The following JAK2 variants were observed in gnomAD, a reference collection of about 807,000 sequenced individuals.
JAK2 encodes tyrosine-protein kinase JAK2.
In JAK2, 86 loss-of-function variants were observed where a neutral mutation model predicts 139.3. The observed-to-expected ratio is 0.62, with a 90% CI of 0.52 to 0.74. The LOEUF (loss-of-function observed/expected upper bound fraction) is 0.74, where lower values mean the gene tolerates loss of function less well. Among genes scored for constraint, JAK2 ranks in the 30% least tolerant of loss-of-function variants. The probability of loss-of-function intolerance (pLI) is 0.00; values close to 1 mark genes in which losing one functional copy is unlikely to be tolerated. For synonymous variants in JAK2, 490 were observed against 437.7 expected (o/e 1.12, Z -1.49); for missense variants, 1,421 against 1,360.3 (o/e 1.04, Z -0.70).
intron 22 of JAK2, chr9:5,091,538 T>C (rs1418250742): frequency 6.6e-6 from 1 of 151,930 alleles, no homozygotes; most frequent in Non-Finnish European, 1.5e-5. Context: ...TTATGGGTGT[T>C]GGTTGGTGGT....
At chr9:5,061,165 A>G (rs544130422) in intron 8 of JAK2, among the ~76,000 whole-genome samples, 1 of 152,358 alleles carries the variant, frequency 6.6e-6, no homozygotes, top group East Asian at 1.9e-4. Flanking sequence ...TAGACTTAGC[A>G]TAATTCGCAG....
intron 6 of JAK2, among the ~76,000 whole-genome samples, chr9:5,053,616 A>G (rs1817567794): frequency 6.6e-6 from 1 of 152,038 alleles, no homozygotes; most frequent in African/African-American, 2.4e-5. Flanking sequence ...GCCAAACTGG[A>G]ATGAGTTGAG....
intron 5 of JAK2, among the ~76,000 whole-genome samples, chr9:5,045,727 G>A (rs965097604): frequency 2.0e-5 from 3 of 152,124 alleles, no homozygotes; most frequent in African/African-American, 7.2e-5. Context: ...GTTCATCCAT[G>A]TTGTAGCATG....
At chr9:4,991,433 T>A (rs1820237540) in intron 2 of JAK2, among the ~76,000 whole-genome samples, 1 of 152,178 alleles carries the variant, frequency 6.6e-6, no homozygotes, top group Non-Finnish European at 1.5e-5. Flanking sequence ...GTAATATTTT[T>A]ATAATATAAA....
chr9:4,986,717 A>G (rs1429732369), intron 2 of JAK2, among the ~76,000 whole-genome samples: 1 of 152,048 alleles, frequency 6.6e-6, no homozygotes, highest in African/African-American at 2.4e-5. Context: ...ATGTTTGCAT[A>G]TACAAAATCA....
intron 14 of JAK2, among the ~76,000 whole-genome samples, chr9:5,074,983 A>G (rs1819213436): frequency 6.6e-6 from 1 of 152,208 alleles, no homozygotes; most frequent in Non-Finnish European, 1.5e-5. Flanking sequence ...AGAAAGTGAA[A>G]CAGTCTTATT....
In JAK2 at chr9:5,128,385, A is replaced by G. The variant is rs1379343593; in HGVS notation, c.*1594A>G. On this transcript the variant is annotated 3_prime_UTR_variant, in exon 25 of 25. Transcript: ENST00000381652. ...TAAAAAGATTTTAGATTTTTTTGAA[A>G]GTTTAATTTTTATTTGTAAAGACTC... Among the ~76,000 whole-genome samples the G allele has an allele frequency of 1.3e-5, 2 of 151,822 alleles. No homozygotes were observed. Among genetic ancestry groups the G allele is most frequent in the Admixed American group, 1.3e-4 (2 of 15,238 alleles).
intron 12 of JAK2, among the ~76,000 whole-genome samples, chr9:5,071,741 A>G (rs1266355045): frequency 1.3e-5 from 2 of 152,184 alleles, no homozygotes; most frequent in Non-Finnish European, 2.9e-5. Context: ...CCAGAATGGT[A>G]AAGACAAGCA....
chr9:5,010,612 G>A (rs908511985), intron 2 of JAK2, among the ~76,000 whole-genome samples: 8 of 152,156 alleles, frequency 5.3e-5, no homozygotes, highest in African/African-American at 9.7e-5. Flanking sequence ...GGGCCACCAC[G>A]CCTGGCTGTC....
intron 22 of JAK2, chr9:5,111,649 G>A (rs1012609480): frequency 5.1e-6 from 2 of 389,062 alleles, no homozygotes; most frequent in South Asian, 1.9e-5. Flanking sequence ...CATGCCCCTC[G>A]TCCCTCCCGC....
intron 2 of JAK2, among the ~76,000 whole-genome samples, chr9:5,008,470 AG>A (rs904420596): frequency 5.9e-5 from 9 of 152,216 alleles, no homozygotes; most frequent in African/African-American, 1.9e-4. Flanking sequence ...AGTATGAGAT[AG>A]TTGTCTTGGA....
rs923941004 is a variant in JAK2, at chr9:5,078,334, T to C, written c.2021T>C (p.Val674Ala). 1 of 1,612,634 alleles carries C rather than the reference T, an allele frequency of 6.2e-7. No homozygotes were observed. The highest frequency in any genetic ancestry group is 1.3e-5 in the African/African-American group (1 of 75,002). ...LEENTLIHGN[V>A]CAKNILLIRE... ...GAAAACACCCTTATTCATGGGAATG[T>C]ATGTGCCAAAAATATTCTGCTTATC... is the stretch of plus-strand genomic sequence containing the variant. Residue 674 changes from valine (V) to alanine (A), a missense_variant, in exon 16 of 25, where the codon GTA (valine) becomes GCA (alanine). Physicochemically the swap from Val to Ala is moderately conservative, Grantham distance 64. Coordinates refer to ENST00000381652, the MANE Select transcript of JAK2 (RefSeq NM_004972.4).
At chr9:5,041,276 A>G in intron 4 of JAK2, 1 of 1,155,244 alleles carries the variant, frequency 8.7e-7, no homozygotes, top group Non-Finnish European at 1.3e-6. Context: ...CGGGCTGGCC[A>G]AGGGGTACAC....
chr9:5,085,589 T>C (rs1820025263), intron 19 of JAK2: 1 of 696,672 alleles, frequency 1.4e-6, no homozygotes, highest in East Asian at 2.6e-5. Context: ...GCCCCACCTA[T>C]AGATACTACA....
At position 5,090,541 on chromosome 9, in the gene JAK2, C is replaced by A. The variant is rs768850629; in HGVS notation, c.2857C>A (p.Leu953Ile). ...TAAAGAACGGATAGATCACATAAAA[C>A]TTCTGCAGTACACATCTCAGATATG... ...KHKERIDHIK[L>I]LQYTSQICKG... The change falls in exon 21 of 25, where the codon CTT becomes ATT. Residue 953 changes from leucine (L) to isoleucine (I), a missense_variant. Physicochemically the swap from Leu to Ile is conservative, Grantham distance 5 (BLOSUM62 2). Transcript: ENST00000381652. 58 of 1,594,774 alleles carry A rather than the reference C, an allele frequency of 3.6e-5. No individual in the cohort carries two copies. The highest frequency in any genetic ancestry group is 5.2e-5 in the Admixed American group (3 of 57,648).
chr9:5,085,986 G>A, intron 19 of JAK2: 3 of 959,798 alleles, frequency 3.1e-6, no homozygotes, highest in South Asian at 2.6e-5. Context: ...TTTGCTGTAC[G>A]GGGTTGTGTG....
At chr9:5,037,656 A>G (rs564559440) in intron 4 of JAK2, among the ~76,000 whole-genome samples, 78 of 152,318 alleles carry the variant, frequency 5.1e-4, no homozygotes, top group Admixed American at 2.0e-3. Context: ...GAATTGAACA[A>G]TGAGAACACA....
rs139426587 is a variant in JAK2, at chr9:5,103,871, A to G, written c.3059+12960A>G. On this transcript the variant is annotated intron_variant, in intron 22 of 24. Transcript: ENST00000381652. ...ATAAAGATGTTCTTTGAAACCAACG[A>G]GAACAAAGACACAGCATACCAGAAT... 6.1e-3 allele frequency among the ~76,000 whole-genome samples: 934 copies of G among 152,362 alleles called. 8 individuals carry two copies. Among genetic ancestry groups the G allele is most frequent in the African/African-American group, 0.02 (837 of 41,572 alleles).
intron 22 of JAK2, chr9:5,091,266 T>G (rs1317565256): frequency 6.1e-6 from 1 of 164,780 alleles, no homozygotes; most frequent in East Asian, 1.7e-4. Context: ...TCTTTTTTAT[T>G]TACTTGGGTG....
Sources: gnomAD v4.1 joint callset for allele counts (sites outside exome capture counted in the v4.1 genomes callset) on GRCh38, gnomAD v4.1.1 for gene constraint, MANE v1.5 for transcripts, NCBI Gene and HGNC (gene_info 2026-07-23, HGNC 2026-07-21) for gene names.